The following ZAN variants were observed in gnomAD, a reference collection of about 807,000 sequenced individuals.
ZAN encodes the protein zonadhesin (gene/pseudogene).
Under a neutral mutation model 286.2 loss-of-function variants are expected in ZAN, and 260 were observed. The ratio of observed to expected loss-of-function variants is 0.91; its 90% CI spans 0.82 to 1.01. The LOEUF (loss-of-function observed/expected upper bound fraction) is 1.01. Ranked by LOEUF, ZAN falls within the 50% of genes least tolerant of loss-of-function variation. The pLI, the probability that ZAN is intolerant of heterozygous loss-of-function variation, is 0.00. For missense variants in ZAN, 3,410 were observed against 3,639.2 expected, an observed-to-expected ratio of 0.94 and a Z score of 1.62; for synonymous variants, 1,368 against 1,417.5, an observed-to-expected ratio of 0.97 and a Z score of 0.79.
At chr7:100,759,921 C>A in intron 18 of ZAN, 76 bp downstream of exon 18, 1 of 1,528,802 alleles carries the variant, frequency 6.5e-7, no homozygotes, top group Non-Finnish European at 8.8e-7. Flanking sequence ...ATCCCTGAAC[C>A]TTTCCACGGA....
chr7:100,791,849 TC>T, intron 40 of ZAN, 116 bp from the exon 41 acceptor site: 1 of 1,276,086 alleles, frequency 7.8e-7, no homozygotes, highest in South Asian at 1.6e-5. Flanking sequence ...TGCCTCAGCC[TC>T]CCGGGTAGCT....
Position 100,794,130 on chromosome 7 carries a change from GCTTT to G in ZAN, c.8000_8003del (p.Phe2667Ter), listed in dbSNP as rs765692685. The G allele has an allele frequency of 1.9e-6, 3 of 1,614,036 alleles. No homozygotes were observed. Among genetic ancestry groups the G allele is most frequent in the Non-Finnish European group, 2.5e-6 (3 of 1,179,898 alleles). On this transcript the variant is annotated frameshift_variant, in exon 44 of 48. Transcript: ENST00000613979. LOFTEE classifies it high-confidence loss of function. Reference sequence around the variant, plus strand: ...CCTTCCCCTTTCTAGCTGGGCAGCAGCTTTCTGACTGAGGACTGCTCTCAGCGGT... The same window carrying G: ...CCTTCCCCTTTCTAGCTGGGCAGCAGCTGACTGAGGACTGCTCTCAGCGGT...
intron 7 of ZAN, among the ~76,000 whole-genome samples, chr7:100,745,567 A>C (rs1425206002): frequency 6.7e-6 from 1 of 149,158 alleles, no homozygotes; most frequent in East Asian, 1.9e-4. Context: ...GTTTGCGTGA[A>C]TAGGTTATGT....
At chr7:100,790,881 A>AG in intron 39 of ZAN, 61 bp from the exon 40 acceptor site, 2 of 483,546 alleles carry the variant, frequency 4.1e-6, no homozygotes, top group Non-Finnish European at 2.9e-6. Flanking sequence ...AGACTGTCTA[A>AG]AAAAAAAAAA....
chr7:100,759,902 A>G (rs1809431358), intron 18 of ZAN, 57 bp downstream of exon 18: 3 of 1,573,886 alleles, frequency 1.9e-6, no homozygotes, highest in Non-Finnish European at 2.6e-6. Context: ...GTCCTGGCCA[A>G]CCCTTCCAAT....
intron 42 of ZAN, 103 bp downstream of exon 42, chr7:100,792,582 T>C (rs1239138701): frequency 6.4e-7 from 1 of 1,556,886 alleles, no homozygotes; most frequent in African/African-American, 1.4e-5. Context: ...CCCTGACCCC[T>C]CTGCCGTCCA....
intron 30 of ZAN, 106 bp from the exon 31 acceptor site, chr7:100,773,615 G>T: frequency 1.3e-6 from 2 of 1,541,140 alleles, no homozygotes; most frequent in East Asian, 4.7e-5. Flanking sequence ...GCCAAGGCTG[G>T]GGGGCGAGGA....
intron 35 of ZAN, among the ~76,000 whole-genome samples, chr7:100,783,725 G>A (rs1212720305): frequency 3.4e-4 from 23 of 67,988 alleles, no homozygotes; most frequent in Non-Finnish European, 4.2e-4. Flanking sequence ...GTCCCTGCCC[G>A]TCCCCCGCAA....
chr7:100,745,137 G>A (rs1808100748), intron 7 of ZAN, among the ~76,000 whole-genome samples: 1 of 151,774 alleles, frequency 6.6e-6, no homozygotes, highest in Admixed American at 6.6e-5. Context: ...GCCCGCCTCG[G>A]TCTCCCAAAG....
At chr7:100,785,380 G>A (rs962098544) in intron 36 of ZAN, among the ~76,000 whole-genome samples, 7 of 151,798 alleles carry the variant, frequency 4.6e-5, no homozygotes, top group Admixed American at 1.3e-4. Context: ...ACAGGCAAGC[G>A]CCACCACAGC....
chr7:100,762,465 G>A (rs997219937), intron 20 of ZAN, 107 bp downstream of exon 20: 23 of 1,345,700 alleles, frequency 1.7e-5, no homozygotes, highest in Middle Eastern at 2.8e-4. Context: ...TCCTTCTGTC[G>A]CTTAGGCTGG....
intron 17 of ZAN, 131 bp from the exon 18 acceptor site, chr7:100,759,590 C>T: frequency 5.8e-6 from 7 of 1,209,436 alleles, no homozygotes; most frequent in Admixed American, 6.2e-5. Context: ...GATCCGGCCT[C>T]CCCTACTGGA....
In ZAN at chr7:100,763,456, C is replaced by T. The variant is rs1271041380; in HGVS notation, c.3987-350C>T. On this transcript the variant is annotated intron_variant, in intron 20 of 47. Transcript: ENST00000613979. This position sits in a 1 kb window ranked among gnomAD's most constrained non-coding sequence, Gnocchi z 4.6. The stretch of plus-strand genomic sequence containing the variant: ...GTTCAATCACAGCTCACTGCAGGCT[C>T]CAACTCCTGGGCTCAACAGATTCTC... Among the ~76,000 whole-genome samples, 1 of 152,162 alleles carries T rather than the reference C, an allele frequency of 6.6e-6. No individual in the cohort carries two copies. The highest frequency in any genetic ancestry group is 1.5e-5 in the Non-Finnish European group (1 of 68,038).
chr7:100,757,111 T>C (rs1185427177), intron 15 of ZAN, among the ~76,000 whole-genome samples: 3 of 152,122 alleles, frequency 2.0e-5, no homozygotes, highest in African/African-American at 7.2e-5. Context: ...AACAAATGTT[T>C]ATTTAGTACT....
rs1056808540 is a variant in ZAN at position 100,743,770 on chromosome 7, G to A, written c.767-2768G>A. Among the ~76,000 whole-genome samples the A allele has an allele frequency of 2.6e-5, 4 of 151,438 alleles. No individual in the cohort carries two copies. The East Asian group carries it at 5.8e-4, about 22-fold the overall frequency. On this transcript the variant is annotated intron_variant, in intron 7 of 47. Transcript: ENST00000613979. Reference sequence around the variant, plus strand: ...CACACACCTGTAGTCCCAGATACTCGGGAGGCTGACGTGGGAGGACTGATT... The same window carrying A: ...CACACACCTGTAGTCCCAGATACTCAGGAGGCTGACGTGGGAGGACTGATT...
intron 29 of ZAN, among the ~76,000 whole-genome samples, chr7:100,773,030 A>C (rs1294814257): frequency 6.6e-6 from 1 of 151,592 alleles, no homozygotes; most frequent in East Asian, 1.9e-4. Context: ...TGCCACCCCA[A>C]GTAGCTGGGA....
At position 100,765,988 on chromosome 7, in the gene ZAN, G is replaced by GTT. The variant is rs200743931; in HGVS notation, c.4470+438_4470+439dup. Among the ~76,000 whole-genome samples the GTT allele has an allele frequency of 5.0e-5, 7 of 139,938 alleles. 1 individual carries two copies. Among genetic ancestry groups the GTT allele is most frequent in the Non-Finnish European group, 6.2e-5 (4 of 64,130 alleles). 91.8% of individuals were successfully genotyped at this position (139,938 alleles called of 152,430 possible). ...TTTTGGTTTTTTGTTGTTGTTTTTG[G>GTT]TTTTTGTTTTTTTTTTGAGACAGAG... On this transcript the variant is annotated intron_variant, in intron 23 of 47. Coordinates refer to ENST00000613979, the MANE Select transcript of ZAN (RefSeq NM_003386.3).
chr7:100,754,073 A>C (rs1808979169), intron 14 of ZAN, among the ~76,000 whole-genome samples: 1 of 152,236 alleles, frequency 6.6e-6, no homozygotes, highest in South Asian at 2.1e-4. Flanking sequence ...ATCATGCAAC[A>C]TGTGAGCCTT....
intron 19 of ZAN, 42 bp from the exon 20 acceptor site, chr7:100,762,173 T>G: frequency 6.2e-7 from 1 of 1,609,758 alleles, no homozygotes; most frequent in Non-Finnish European, 8.5e-7. Flanking sequence ...GGACCGAGGC[T>G]GCTTCTCTCC....
Sources: allele counts gnomAD v4.1 joint callset (sites outside exome capture counted in the v4.1 genomes callset), GRCh38; gene constraint gnomAD v4.1.1; non-coding constraint Gnocchi (gnomAD v3.1); transcripts MANE v1.5; gene names NCBI Gene and HGNC (gene_info 2026-07-23, HGNC 2026-07-21).